BFSP1: variants seen among roughly 807,000 people sequenced by gnomAD.
BFSP1 encodes the protein beaded filament structural protein 1, also known as filensin.
BFSP1 carries 38 observed loss-of-function variants against 43.9 expected under a neutral mutation model. The observed-to-expected ratio is 0.87, with a 90% confidence interval of 0.67 to 1.14. The LOEUF (loss-of-function observed/expected upper bound fraction) is 1.14. BFSP1 is among the 50% of genes most tolerant of loss of function. The pLI is 0.00. For missense variants in BFSP1, 850 were observed against 875.1 expected, an observed-to-expected ratio of 0.97 and a Z score of 0.36; for synonymous variants, 352 against 354.8, an observed-to-expected ratio of 0.99 and a Z score of 0.09.
At chr20:17,546,568 G>A (rs1163386437) in intron 1 of BFSP1, among the ~76,000 whole-genome samples, 1 of 152,022 alleles carries the variant, frequency 6.6e-6, no homozygotes, top group Non-Finnish European at 1.5e-5. Flanking sequence ...TGGGTGTGGT[G>A]GTGCACACCT....
intron 1 of BFSP1, among the ~76,000 whole-genome samples, chr20:17,539,105 C>CTTTTTTTT (rs1156875265): frequency 2.2e-4 from 14 of 63,562 alleles, no homozygotes; most frequent in African/African-American, 6.2e-4. Flanking sequence ...ATTTCTTCTT[C>CTTTTTTTT]TTTTTTTTTT....
At chr20:17,549,777 A>G (rs950825147) in intron 1 of BFSP1, among the ~76,000 whole-genome samples, 17 of 152,238 alleles carry the variant, frequency 1.1e-4, no homozygotes, top group Admixed American at 6.5e-5. Context: ...CAGAAGTTGC[A>G]GTAAGCCAAG....
upstream of BFSP1, among the ~76,000 whole-genome samples, chr20:17,563,798 A>G (rs1014999727): frequency 6.1e-5 from 9 of 147,632 alleles, no homozygotes; most frequent in Admixed American, 5.5e-4. Flanking sequence ...AGGTGGGAAG[A>G]TTGCTTGAGC....
intron 2 of BFSP1, among the ~76,000 whole-genome samples, chr20:17,519,239 T>C (rs1000984332): frequency 6.6e-6 from 1 of 152,122 alleles, no homozygotes; most frequent in Admixed American, 6.5e-5. Flanking sequence ...ATTTTAGAAA[T>C]AGAAGGAACC....
chr20:17,505,045 C>T (rs931215679), intron 5 of BFSP1, among the ~76,000 whole-genome samples: 18 of 152,098 alleles, frequency 1.2e-4, no homozygotes, highest in Non-Finnish European at 1.9e-4. Context: ...GGGCGGTTCC[C>T]ACTTTGCAAT....
At chr20:17,533,029 G>A (rs2034573252), upstream of BFSP1, among the ~76,000 whole-genome samples, 1 of 152,074 alleles carries the variant, frequency 6.6e-6, no homozygotes, top group African/African-American at 2.4e-5. Context: ...TGGTGGCATG[G>A]TTATTGTTCT....
Position 17,511,992 on chromosome 20 carries a change from G to A in BFSP1, c.611C>T (p.Thr204Met), listed in dbSNP as rs372197402. The change falls in exon 4 of 8, where the codon ACG (threonine) becomes ATG (methionine). Residue 204 changes from threonine to methionine, a missense_variant. Physicochemically the swap from Thr to Met is moderately conservative, Grantham distance 81 (BLOSUM62 -1). Transcript: ENST00000377873. ...AATTCTTACCTCCCTCATCCCACTC[G>A]TCACAATGGATGCTGGAGGAGTGGT... Reference protein sequence around the residue: ...IHTTPPASIVTSGMREEKLLT... With the variant: ...IHTTPPASIVMSGMREEKLLT... 1.5e-5 allele frequency: 24 copies of A among 1,608,850 alleles called. No individual in the cohort carries two copies. The highest frequency in any genetic ancestry group is 4.4e-5 in the South Asian group (4 of 90,940).
chr20:17,564,934 C>CTTTT lies in BFSP1; in HGVS notation n.51-1843_51-1840dup, dbSNP rs59967108. Among the ~76,000 whole-genome samples, 30 of 142,778 alleles carry CTTTT rather than the reference C, an allele frequency of 2.1e-4. No individual in the cohort carries two copies. The East Asian group carries it at 4.5e-3, about 21-fold the overall frequency. 93.7% of individuals were successfully genotyped at this position (142,778 alleles called of 152,430 possible). On this transcript the variant is annotated intron_variant and non_coding_transcript_variant, in intron 1 of 6. Coordinates refer to the BFSP1 transcript ENST00000473415. ...TTGACAAATGTGTATACCCATGTAA[C>CTTTT]TTTTTTTTTTTTTTTGAGATGGAGT...
chr20:17,553,832 TATATAC>T (rs1568717987), intron 1 of BFSP1, among the ~76,000 whole-genome samples: 1 of 85,318 alleles, frequency 1.2e-5, no homozygotes, highest in African/African-American at 9.0e-5. Flanking sequence ...CACATATATA[TATATAC>T]ACATATATAT....
At chr20:17,563,169 C>T (rs146433393), upstream of BFSP1, 1 of 152,344 alleles carries the variant, frequency 6.6e-6, no homozygotes, top group African/African-American at 2.4e-5. Context: ...CCATTTTCTC[C>T]TTCTTCCTTA....
intron 6 of BFSP1, among the ~76,000 whole-genome samples, chr20:17,497,457 T>TACAC (rs200390071): frequency 0.25 from 18,257 of 71,860 alleles, 1,171 homozygotes; most frequent in East Asian, 0.33. Flanking sequence ...TGTATATATA[T>TACAC]ATACACACAC....
chr20:17,512,945 C>A lies in BFSP1; in HGVS notation c.535-877G>T, dbSNP rs148254997. ...CCCCTTTACCCGCCAGTGCCCCTGTCCCCAGCTCTGTAATAACAGATGACA... is the reference window on the plus strand; with the variant it reads ...CCCCTTTACCCGCCAGTGCCCCTGTACCCAGCTCTGTAATAACAGATGACA... On this transcript the variant is annotated intron_variant, in intron 3 of 7. Coordinates refer to ENST00000377873, the MANE Select transcript of BFSP1 (RefSeq NM_001195.5). Among the ~76,000 whole-genome samples the A allele has an allele frequency of 1.2e-3, 187 of 152,274 alleles. 2 individuals carry two copies. The highest frequency in any genetic ancestry group is 4.3e-3 in the African/African-American group (177 of 41,550).
intron 1 of BFSP1, among the ~76,000 whole-genome samples, chr20:17,567,946 G>A (rs1319345411): frequency 7.3e-5 from 11 of 151,114 alleles, no homozygotes; most frequent in African/African-American, 9.7e-5. Flanking sequence ...TAAGGGGTAC[G>A]GGGCACGAAA....
chr20:17,501,117 T>C (rs568344467), intron 5 of BFSP1, among the ~76,000 whole-genome samples: 1 of 152,344 alleles, frequency 6.6e-6, no homozygotes, highest in Admixed American at 6.5e-5. Flanking sequence ...CAACTTCATG[T>C]ATGTCCACTG....
chr20:17,559,712 G>A (rs1373620946), upstream of BFSP1, among the ~76,000 whole-genome samples: 1 of 152,154 alleles, frequency 6.6e-6, no homozygotes, highest in Non-Finnish European at 1.5e-5. Context: ...ATTGTGGACT[G>A]TGCATGCAAT....
chr20:17,563,374 C>T (rs2035085651), upstream of BFSP1, among the ~76,000 whole-genome samples: 1 of 117,986 alleles, frequency 8.5e-6, no homozygotes, highest in Non-Finnish European at 1.8e-5. Context: ...CCCTCCCTTC[C>T]TACCTTTCCT....
At chr20:17,533,741 C>T (rs891122826), upstream of BFSP1, among the ~76,000 whole-genome samples, 6 of 152,140 alleles carry the variant, frequency 3.9e-5, no homozygotes, top group Non-Finnish European at 7.4e-5. Context: ...AATCAGGACC[C>T]ACAACTCAAT....
intron 1 of BFSP1, 88 bp from the exon 2 acceptor site, chr20:17,524,996 G>C: frequency 8.6e-7 from 1 of 1,156,410 alleles, no homozygotes; most frequent in Non-Finnish European, 1.3e-6. Flanking sequence ...TTCAACCTGG[G>C]TACGATGCCC....
intron 1 of BFSP1, among the ~76,000 whole-genome samples, chr20:17,549,986 A>G (rs2034869968): frequency 6.6e-6 from 1 of 152,196 alleles, no homozygotes; most frequent in South Asian, 2.1e-4. Flanking sequence ...AAACCATATC[A>G]CTAGGAGATC....
Sources: allele counts gnomAD v4.1 joint callset (sites outside exome capture counted in the v4.1 genomes callset), GRCh38; gene constraint gnomAD v4.1.1; transcripts MANE v1.5; gene names NCBI Gene and HGNC (gene_info 2026-07-23, HGNC 2026-07-21).